MSRA: variants seen among roughly 807,000 people sequenced by gnomAD.
The protein encoded by MSRA is mitochondrial peptide methionine sulfoxide reductase.
In MSRA, 54 loss-of-function variants were observed where a neutral mutation model predicts 31.3. That is an observed-to-expected ratio of 1.73 (90% CI 1.39 to 2.17). The LOEUF (loss-of-function observed/expected upper bound fraction) is 2.17. Among genes scored for constraint, MSRA ranks in the 30% most tolerant of loss-of-function variants. The pLI is 0.00. For synonymous variants in MSRA, 169 were observed against 116.5 expected, an observed-to-expected ratio of 1.45 and a Z score of -2.90; for missense variants, 507 against 300.9, an observed-to-expected ratio of 1.69 and a Z score of -5.07.
At chr8:10,313,582 T>A (rs1801554737) in intron 4 of MSRA, among the ~76,000 whole-genome samples, 1 of 152,156 alleles carries the variant, frequency 6.6e-6, no homozygotes, top group African/African-American at 2.4e-5. Flanking sequence ...ACACACCAAT[T>A]CTCTCCAAAT....
chr8:10,316,549 TCTCTC>T (rs1457202592), intron 4 of MSRA, among the ~76,000 whole-genome samples: 1 of 108,286 alleles, frequency 9.2e-6, no homozygotes, highest in East Asian at 2.0e-4. Flanking sequence ...TCTCTCTCTC[TCTCTC>T]TCTCTCTCTC....
At chr8:10,101,195 A>ACCTAATT (rs1334799715) in intron 1 of MSRA, among the ~76,000 whole-genome samples, 1 of 152,052 alleles carries the variant, frequency 6.6e-6, no homozygotes, top group Non-Finnish European at 1.5e-5. Context: ...AGTTATGTAA[A>ACCTAATT]CCTAATTTCT....
Position 10,157,109 on chromosome 8 carries a change from C to G in MSRA, c.143-50724C>G, listed in dbSNP as rs1159395005. On this transcript the variant is annotated intron_variant, in intron 1 of 5. Transcript: ENST00000317173. ...AATTTAAACCCAGTTCTTTCTGACT[C>G]TAATTTACCTATATGTTCATCCTCC... Among the ~76,000 whole-genome samples, 5 of 152,028 alleles carry G rather than the reference C, an allele frequency of 3.3e-5. No homozygotes were observed. The East Asian group carries it at 7.7e-4, about 23-fold the overall frequency.
chr8:10,089,138 C>CA (rs59350295), intron 1 of MSRA, among the ~76,000 whole-genome samples: 2 of 150,012 alleles, frequency 1.3e-5, no homozygotes, highest in Non-Finnish European at 3.0e-5. Flanking sequence ...TGCTTTTGTC[C>CA]CACACACACA....
chr8:10,267,085 C>T (rs910296935), intron 3 of MSRA, among the ~76,000 whole-genome samples: 9 of 152,154 alleles, frequency 5.9e-5, no homozygotes, highest in African/African-American at 1.4e-4. Context: ...CCCTTTAATG[C>T]GAACCAACAT....
chr8:10,055,396 A>G lies in MSRA; in HGVS notation c.142+738A>G, dbSNP rs140705162. Among the ~76,000 whole-genome samples the G allele has an allele frequency of 3.2e-4, 49 of 152,352 alleles. No individual in the cohort carries two copies. In the Middle Eastern group the frequency reaches 0.01, roughly 32 times the overall value. On this transcript the variant is annotated intron_variant, in intron 1 of 5. Coordinates refer to ENST00000317173, the MANE Select transcript of MSRA (RefSeq NM_012331.5). ...GTAAACTGCTATAAAAGTTTTCAAA[A>G]TCTTGGCAATTTCTGCTGCAGACAG...
In MSRA at chr8:10,232,107, G is replaced by A. The variant is rs561226630; in HGVS notation, c.212-12997G>A. 4.6e-5 allele frequency among the ~76,000 whole-genome samples: 7 copies of A among 152,246 alleles called. No homozygotes were observed. In the South Asian group the frequency reaches 1.5e-3, roughly 32 times the overall value. On this transcript the variant is annotated intron_variant, in intron 2 of 5. Coordinates refer to ENST00000317173, the MANE Select transcript of MSRA (RefSeq NM_012331.5). ...AGCCTAACTTTCTAGGATCCCAGGG[G>A]TGGAGGCTGCCCTGGAAATTGTTGT... is the stretch of plus-strand genomic sequence containing the variant.
intron 2 of MSRA, among the ~76,000 whole-genome samples, chr8:10,208,150 T>C (rs1176378506): frequency 6.6e-6 from 1 of 152,216 alleles, no homozygotes; most frequent in African/African-American, 2.4e-5. Flanking sequence ...TGCTATTTCT[T>C]ATGTCCACAC....
intron 3 of MSRA, among the ~76,000 whole-genome samples, chr8:10,269,541 C>T (rs963561902): frequency 4.6e-5 from 7 of 152,214 alleles, no homozygotes; most frequent in Non-Finnish European, 1.0e-4. Context: ...TACAGAGAGC[C>T]GGCAGGGCAG....
intron 3 of MSRA, among the ~76,000 whole-genome samples, chr8:10,281,554 GT>G (rs1799623827): frequency 6.6e-6 from 1 of 152,234 alleles, no homozygotes; most frequent in African/African-American, 2.4e-5. Context: ...AACAATGCAA[GT>G]GCAGTGAACA....
Position 10,054,411 on chromosome 8 carries a change from G to A in MSRA, c.-106G>A. Reference sequence around the variant, plus strand: ...CCCGCGCCCGCCCGCCCGCGCCCCTGCCGCCCCCCGGTTCCGGCCGCGGAC... The same window carrying A: ...CCCGCGCCCGCCCGCCCGCGCCCCTACCGCCCCCCGGTTCCGGCCGCGGAC... On this transcript the variant is annotated 5_prime_UTR_variant, in exon 1 of 6. Coordinates refer to ENST00000317173, the MANE Select transcript of MSRA (RefSeq NM_012331.5). The A allele has an allele frequency of 3.1e-6, 2 of 649,092 alleles. No individual in the cohort carries two copies. The highest frequency in any genetic ancestry group is 4.0e-6 in the Non-Finnish European group (2 of 493,982). 40.2% of individuals were successfully genotyped at this position (649,092 alleles called of 1,614,324 possible).
chr8:10,160,824 G>A (rs943004152), intron 1 of MSRA, among the ~76,000 whole-genome samples: 4 of 152,068 alleles, frequency 2.6e-5, no homozygotes, highest in Admixed American at 6.5e-5. Flanking sequence ...CATCGTACCC[G>A]GCCGAGATTT....
At chr8:10,104,699 T>C (rs1223746465) in intron 1 of MSRA, among the ~76,000 whole-genome samples, 1 of 152,156 alleles carries the variant, frequency 6.6e-6, no homozygotes, top group Non-Finnish European at 1.5e-5. Flanking sequence ...TCTGTGTTGA[T>C]ATTAATGCTG....
intron 5 of MSRA, among the ~76,000 whole-genome samples, chr8:10,393,373 C>T (rs942601170): frequency 6.6e-6 from 1 of 152,164 alleles, no homozygotes; most frequent in Non-Finnish European, 1.5e-5. Flanking sequence ...TACGGCAAAT[C>T]CTGCTGGGAG....
At chr8:10,153,862 T>C (rs1563158356) in intron 1 of MSRA, among the ~76,000 whole-genome samples, 1 of 152,234 alleles carries the variant, frequency 6.6e-6, no homozygotes, top group East Asian at 1.9e-4. Flanking sequence ...TTATTTCGGA[T>C]CCAGGCTTTA....
intron 1 of MSRA, among the ~76,000 whole-genome samples, chr8:10,144,977 T>A (rs1803016067): frequency 6.6e-6 from 1 of 150,434 alleles, no homozygotes; most frequent in Non-Finnish European, 1.5e-5. Flanking sequence ...AGGGGGCATG[T>A]AGGAGTCTCC....
intron 5 of MSRA, among the ~76,000 whole-genome samples, chr8:10,394,246 T>A (rs2129181068): frequency 6.6e-6 from 1 of 152,358 alleles, no homozygotes; most frequent in South Asian, 2.1e-4. Context: ...ACTATGCATC[T>A]GTACTTTTGG....
chr8:10,404,190 C>G (rs189798725), intron 5 of MSRA, among the ~76,000 whole-genome samples: 3 of 152,152 alleles, frequency 2.0e-5, no homozygotes, highest in Non-Finnish European at 2.9e-5. Context: ...CCTCATTTCC[C>G]CACAATGCCG....
chr8:10,367,432 C>T (rs1585599248), intron 5 of MSRA, among the ~76,000 whole-genome samples: 1 of 152,114 alleles, frequency 6.6e-6, no homozygotes, highest in African/African-American at 2.4e-5. Flanking sequence ...GTCCCATATC[C>T]TCTGAGGTTT....
Sources: gnomAD v4.1 joint callset for allele counts (sites outside exome capture counted in the v4.1 genomes callset) on GRCh38, gnomAD v4.1.1 for gene constraint, MANE v1.5 for transcripts, NCBI Gene and HGNC (gene_info 2026-07-23, HGNC 2026-07-21) for gene names.